PTPRG: variants seen among roughly 807,000 people sequenced by gnomAD.
PTPRG encodes protein tyrosine phosphatase receptor type G.
Under a neutral mutation model 165.3 loss-of-function variants are expected in PTPRG, and 102 were observed. The ratio of observed to expected loss-of-function variants is 0.62; its 90% confidence interval spans 0.53 to 0.73. The LOEUF is 0.73. PTPRG is among the 30% of genes least tolerant of loss of function. The probability of loss-of-function intolerance (pLI) is 0.00; values close to 1 mark genes in which losing one functional copy is unlikely to be tolerated. For synonymous variants in PTPRG, 675 were observed against 669.5 expected, an observed-to-expected ratio of 1.01 and a Z score of -0.13; for missense variants, 1,866 against 1,861.4, an observed-to-expected ratio of 1.00 and a Z score of -0.05.
chr3:61,622,013 A>T (rs950650871), intron 1 of PTPRG, among the ~76,000 whole-genome samples: 4 of 152,212 alleles, frequency 2.6e-5, no homozygotes, highest in African/African-American at 9.7e-5. Flanking sequence ...CTTGAAAGTC[A>T]TCACTCAACT....
intron 1 of PTPRG, among the ~76,000 whole-genome samples, chr3:61,699,978 A>C (rs963196487): frequency 6.6e-6 from 1 of 152,120 alleles, no homozygotes; most frequent in African/African-American, 2.4e-5. Context: ...TTTCCTACTT[A>C]AGTTTTGAGG....
At chr3:61,801,885 C>T (rs1193856882) in intron 2 of PTPRG, among the ~76,000 whole-genome samples, 2 of 151,994 alleles carry the variant, frequency 1.3e-5, no homozygotes, top group Non-Finnish European at 2.9e-5. Context: ...ATTAGCTGGC[C>T]GTGGTGGCGT....
chr3:61,694,145 C>T (rs2030412218), intron 1 of PTPRG, among the ~76,000 whole-genome samples: 1 of 151,902 alleles, frequency 6.6e-6, no homozygotes, highest in Admixed American at 6.6e-5. Context: ...CAGGGAACAG[C>T]ATTTTGAATA....
At chr3:62,277,422 C>T (rs1056084800) in intron 25 of PTPRG, 129 bp from the exon 26 acceptor site, 11 of 1,060,876 alleles carry the variant, frequency 1.0e-5, no homozygotes, top group South Asian at 1.6e-5. Context: ...CCAAATGTAC[C>T]GAATGCCTTT....
At chr3:61,784,194 G>T (rs189729550) in intron 2 of PTPRG, among the ~76,000 whole-genome samples, 1 of 152,170 alleles carries the variant, frequency 6.6e-6, no homozygotes, top group Non-Finnish European at 1.5e-5. Context: ...TGATGTCAGC[G>T]GGGCCACACT....
intron 4 of PTPRG, among the ~76,000 whole-genome samples, chr3:62,014,063 G>A (rs756722559): frequency 8.5e-5 from 13 of 152,224 alleles, no homozygotes; most frequent in South Asian, 8.3e-4. Flanking sequence ...TGAGCGGGAA[G>A]GTTTCAAGCC....
At chr3:62,043,831 C>G (rs1315439361) in intron 4 of PTPRG, among the ~76,000 whole-genome samples, 1 of 151,934 alleles carries the variant, frequency 6.6e-6, no homozygotes, top group South Asian at 2.1e-4. Flanking sequence ...GAAGAAAATA[C>G]GTGAATGAAG....
At chr3:62,087,089 C>T (rs78998589) in intron 5 of PTPRG, among the ~76,000 whole-genome samples, 4 of 152,224 alleles carry the variant, frequency 2.6e-5, no homozygotes, top group East Asian at 1.9e-4. Context: ...TTGTTTTGGC[C>T]ATTAGTTTTC....
At position 62,277,465 on chromosome 3, in the gene PTPRG, A is replaced by G. The variant is rs1344374095; in HGVS notation, c.3637-86A>G. On this transcript the variant is annotated intron_variant, in intron 25 of 29. Coordinates refer to ENST00000474889, the MANE Select transcript of PTPRG (RefSeq NM_002841.4). Reference sequence around the variant, plus strand: ...ATTTTAGTGTAGTCAAAACAGTGCTATCTTATTTCATGAATATATTTTACT... The same window carrying G: ...ATTTTAGTGTAGTCAAAACAGTGCTGTCTTATTTCATGAATATATTTTACT... The G allele has an allele frequency of 3.5e-6, 5 of 1,436,346 alleles. No individual in the cohort carries two copies. The East Asian group carries it at 9.2e-5, about 26-fold the overall frequency. 89.0% of individuals were successfully genotyped at this position (1,436,346 alleles called of 1,614,324 possible).
intron 1 of PTPRG, among the ~76,000 whole-genome samples, chr3:61,661,787 C>G (rs1702675947): frequency 6.6e-6 from 1 of 151,982 alleles, no homozygotes; most frequent in East Asian, 1.9e-4. Context: ...ACACCAGCAC[C>G]TACTAGCTGG....
chr3:62,191,830 G>C (rs1026734419), intron 9 of PTPRG, among the ~76,000 whole-genome samples, 177 bp downstream of exon 9: 1 of 152,176 alleles, frequency 6.6e-6, no homozygotes, highest in African/African-American at 2.4e-5. Context: ...ACAGTGGATG[G>C]AGCCTGCCTG....
At chr3:61,946,393 G>A (rs2039762015) in intron 2 of PTPRG, among the ~76,000 whole-genome samples, 1 of 152,174 alleles carries the variant, frequency 6.6e-6, no homozygotes, top group Admixed American at 6.5e-5. Flanking sequence ...ATTTAATTTA[G>A]GGAACAGAGA....
At chr3:62,047,355 G>T (rs149163327) in intron 4 of PTPRG, among the ~76,000 whole-genome samples, 15,305 of 152,044 alleles carry the variant, frequency 0.1, 982 homozygotes, top group Middle Eastern at 0.21. Context: ...CGCCTCCCGG[G>T]TTCAAGCAAT....
intron 2 of PTPRG, among the ~76,000 whole-genome samples, chr3:61,962,584 GAACA>G (rs2040179348): frequency 6.6e-6 from 1 of 152,168 alleles, no homozygotes; most frequent in Non-Finnish European, 1.5e-5. Context: ...CTTTTCTGAA[GAACA>G]AACACACCCT....
chr3:61,694,444 C>T (rs1241770765), intron 1 of PTPRG, among the ~76,000 whole-genome samples: 1 of 152,112 alleles, frequency 6.6e-6, no homozygotes, highest in Non-Finnish European at 1.5e-5. Context: ...TATTACCTAC[C>T]TACTCCTAGA....
At chr3:61,716,856 C>T (rs1199850686) in intron 1 of PTPRG, among the ~76,000 whole-genome samples, 76 of 152,128 alleles carry the variant, frequency 5.0e-4, no homozygotes, top group Non-Finnish European at 1.5e-5. Context: ...CGCGTAATCC[C>T]AGCTACTCAG....
intron 2 of PTPRG, among the ~76,000 whole-genome samples, chr3:61,914,390 T>C (rs1190574737): frequency 1.3e-5 from 2 of 152,214 alleles, no homozygotes; most frequent in Non-Finnish European, 2.9e-5. Flanking sequence ...TGCTCATTTC[T>C]AGAGAAATGT....
chr3:62,280,822 A>G (rs1702405849), intron 26 of PTPRG, among the ~76,000 whole-genome samples: 1 of 152,074 alleles, frequency 6.6e-6, no homozygotes, highest in African/African-American at 2.4e-5. Flanking sequence ...TTCCATCAAC[A>G]GATAAATGGA....
chr3:62,105,542 A>G (rs1226054589), intron 5 of PTPRG, among the ~76,000 whole-genome samples: 5 of 152,216 alleles, frequency 3.3e-5, no homozygotes, highest in Non-Finnish European at 7.3e-5. Flanking sequence ...ACCTCCTTAC[A>G]GATAAGATTA....
Sources: gnomAD v4.1 joint callset for allele counts (sites outside exome capture counted in the v4.1 genomes callset) on GRCh38, gnomAD v4.1.1 for gene constraint, MANE v1.5 for transcripts, NCBI Gene and HGNC (gene_info 2026-07-23, HGNC 2026-07-21) for gene names.